Variants in INPP5B observed in about 807,000 individuals in gnomAD.
The protein encoded by INPP5B is type II inositol 1,4,5-trisphosphate 5-phosphatase.
In INPP5B, 90 loss-of-function variants were observed where a neutral mutation model predicts 118.5. The observed-to-expected ratio is 0.76, with a 90% confidence interval of 0.64 to 0.90. The LOEUF is 0.90. Among genes scored for constraint, INPP5B ranks in the 40% least tolerant of loss-of-function variants. INPP5B has a pLI of 0.00. For missense variants in INPP5B, 984 were observed against 1,125.6 expected, an observed-to-expected ratio of 0.87 and a Z score of 1.80; for synonymous variants, 385 against 418.9, an observed-to-expected ratio of 0.92 and a Z score of 0.99.
chr1:37,899,932 T>C (rs2148560713), intron 7 of INPP5B, among the ~76,000 whole-genome samples: 1 of 151,822 alleles, frequency 6.6e-6, no homozygotes. Flanking sequence ...GCCGGGATGA[T>C]CTCGGTCTCC....
At chr1:37,872,868 T>G (rs1169020159) in intron 19 of INPP5B, 62 bp downstream of exon 19, 34 of 1,282,602 alleles carry the variant, frequency 2.7e-5, no homozygotes, top group Non-Finnish European at 3.7e-5. Flanking sequence ...CATAGGAATA[T>G]CTTGTTTGAC....
chr1:37,938,751 TG>T (rs1332933024), intron 6 of INPP5B, among the ~76,000 whole-genome samples: 1 of 152,200 alleles, frequency 6.6e-6, no homozygotes. Context: ...AATTTCCCCC[TG>T]CTTAATAAAT....
At chr1:37,908,362 T>TGCTACCC (rs1644569370) in intron 7 of INPP5B, among the ~76,000 whole-genome samples, 1 of 152,148 alleles carries the variant, frequency 6.6e-6, no homozygotes, top group Non-Finnish European at 1.5e-5. Flanking sequence ...ATGCCTCTCT[T>TGCTACCC]GCTACCCTTC....
chr1:37,885,535 T>C (rs760900098), intron 13 of INPP5B, 103 bp downstream of exon 13: 188 of 937,604 alleles, frequency 2.0e-4, no homozygotes, highest in Non-Finnish European at 3.0e-4. Context: ...CTACCACCAT[T>C]GCAGCAATAG....
chr1:37,917,205 C>T lies in INPP5B; in HGVS notation c.532+14708G>A, dbSNP rs570287817. Reference sequence around the variant, plus strand: ...TCGGGAGGCTGAGGCAGGAGAATTGCTTGAACCCGGGAGGCAGAGGTTGCA... The same window carrying T: ...TCGGGAGGCTGAGGCAGGAGAATTGTTTGAACCCGGGAGGCAGAGGTTGCA... On this transcript the variant is annotated intron_variant, in intron 7 of 23. Coordinates refer to ENST00000373024, the MANE Select transcript of INPP5B (RefSeq NM_005540.3). 5.5e-5 allele frequency among the ~76,000 whole-genome samples: 8 copies of T among 144,398 alleles called. 1 individual carries two copies. Among genetic ancestry groups the T allele is most frequent in the African/African-American group, 1.5e-4 (6 of 39,326 alleles). The allele number at this position is 144,398 out of a possible 152,430, so 94.7% of individuals were successfully genotyped here.
chr1:37,884,474 G>A (rs757677613), intron 13 of INPP5B, among the ~76,000 whole-genome samples: 14 of 151,770 alleles, frequency 9.2e-5, no homozygotes, highest in Non-Finnish European at 2.1e-4. Flanking sequence ...TCAGAGACAG[G>A]TTCTTACTAT....
intron 13 of INPP5B, chr1:37,883,736 G>C: frequency 1.0e-6 from 1 of 985,392 alleles, no homozygotes. Flanking sequence ...AGGCTCCCTG[G>C]AGAAGAAAAA....
chr1:37,905,676 G>A (rs976938167), intron 7 of INPP5B, among the ~76,000 whole-genome samples: 7 of 152,176 alleles, frequency 4.6e-5, no homozygotes, highest in Non-Finnish European at 8.8e-5. Flanking sequence ...AATTTGAAAA[G>A]TGCTCTTGAA....
chr1:37,910,320 C>G (rs1350442945), intron 7 of INPP5B, among the ~76,000 whole-genome samples: 1 of 152,150 alleles, frequency 6.6e-6, no homozygotes, highest in African/African-American at 2.4e-5. Flanking sequence ...GTCTAAACCT[C>G]CTAAAACTCC....
intron 7 of INPP5B, among the ~76,000 whole-genome samples, chr1:37,925,934 G>T (rs1432818183): frequency 6.6e-6 from 1 of 152,232 alleles, no homozygotes; most frequent in Non-Finnish European, 1.5e-5. Context: ...TTAGGAGCCT[G>T]CAGAGCTTCC....
chr1:37,943,908 C>G lies in INPP5B; in HGVS notation c.153-15G>C, dbSNP rs1273185647. 4 of 1,601,952 alleles carry G rather than the reference C, an allele frequency of 2.5e-6. No individual in the cohort carries two copies. In the Admixed American group the frequency reaches 6.7e-5, roughly 27 times the overall value. ...AGAGGAAGAGACTAAGGGCAGGAAG[C>G]AGAGGTGAGGATGGGGGCCCGCTGG... On this transcript the variant is annotated splice_polypyrimidine_tract_variant and intron_variant, in intron 3 of 23. Coordinates refer to ENST00000373024, the MANE Select transcript of INPP5B (RefSeq NM_005540.3).
At chr1:37,896,777 T>TG (rs1298283900) in intron 7 of INPP5B, among the ~76,000 whole-genome samples, 8 of 113,680 alleles carry the variant, frequency 7.0e-5, no homozygotes, top group African/African-American at 2.4e-4. Flanking sequence ...GGGAGGGAGG[T>TG]GGGGGGGTCA....
At chr1:37,903,464 C>T (rs1050111836) in intron 7 of INPP5B, among the ~76,000 whole-genome samples, 35 of 152,288 alleles carry the variant, frequency 2.3e-4, no homozygotes, top group African/African-American at 6.7e-4. Flanking sequence ...CAGTGGCTCA[C>T]GCCTGTAATC....
intron 13 of INPP5B, among the ~76,000 whole-genome samples, chr1:37,884,587 T>C (rs1454029402): frequency 1.3e-5 from 2 of 152,138 alleles, no homozygotes; most frequent in Non-Finnish European, 2.9e-5. Flanking sequence ...CCAGCCTCAC[T>C]TTCTTCTTAT....
At chr1:37,895,977 G>A (rs952364064) in intron 7 of INPP5B, among the ~76,000 whole-genome samples, 2 of 147,428 alleles carry the variant, frequency 1.4e-5, no homozygotes, top group Admixed American at 6.8e-5. Flanking sequence ...GCCGCCCATC[G>A]TCTGGGATGT....
intron 7 of INPP5B, among the ~76,000 whole-genome samples, chr1:37,914,615 G>A (rs754904734): frequency 5.9e-5 from 9 of 152,058 alleles, no homozygotes; most frequent in Admixed American, 1.3e-4. Context: ...ACCTTCACGT[G>A]ATGAACTACA....
intron 23 of INPP5B, among the ~76,000 whole-genome samples, chr1:37,863,536 T>C (rs1050495396): frequency 1.4e-5 from 2 of 144,894 alleles, no homozygotes; most frequent in Admixed American, 6.9e-5. Context: ...TTAAATTAAA[T>C]TAAAAAGCTG....
At chr1:37,883,203 T>TAA (rs1399625033) in intron 13 of INPP5B, 1 of 985,330 alleles carries the variant, frequency 1.0e-6, no homozygotes, top group Non-Finnish European at 1.2e-6. Flanking sequence ...TAAAAGATAG[T>TAA]AATTTACCCC....
At chr1:37,898,963 C>T (rs1644226975) in intron 7 of INPP5B, among the ~76,000 whole-genome samples, 2 of 151,832 alleles carry the variant, frequency 1.3e-5, no homozygotes, top group African/African-American at 4.8e-5. Context: ...AGGCGGATCC[C>T]CTGAGGTCGG....
Sources: allele counts gnomAD v4.1 joint callset (sites outside exome capture counted in the v4.1 genomes callset), GRCh38; gene constraint gnomAD v4.1.1; transcripts MANE v1.5; gene names NCBI Gene and HGNC (gene_info 2026-07-23, HGNC 2026-07-21).